The following EBF1 variants were observed in gnomAD, a reference collection of about 807,000 sequenced individuals.
The protein encoded by EBF1 is transcription factor COE1.
In EBF1, 10 loss-of-function variants were observed where a neutral mutation model predicts 68.4. That is an observed-to-expected ratio of 0.15 (90% CI 0.09 to 0.25). The LOEUF (loss-of-function observed/expected upper bound fraction) is 0.25, where lower values mean the gene tolerates loss of function less well. Ranked by LOEUF, EBF1 falls within the 10% of genes least tolerant of loss-of-function variation. EBF1 has a pLI of 1.00. For missense variants in EBF1, 509 were observed against 794.4 expected, an observed-to-expected ratio of 0.64 and a Z score of 4.32; for synonymous variants, 298 against 299.8, an observed-to-expected ratio of 0.99 and a Z score of 0.06.
intron 6 of EBF1, among the ~76,000 whole-genome samples, chr5:158,916,726 G>C (rs890842402): frequency 6.6e-6 from 1 of 152,130 alleles, no homozygotes; most frequent in African/African-American, 2.4e-5. Flanking sequence ...GTGCTTCAAT[G>C]CTGGCCAAAT....
chr5:158,992,753 T>G (rs1375416152), intron 6 of EBF1, among the ~76,000 whole-genome samples: 1 of 152,080 alleles, frequency 6.6e-6, no homozygotes, highest in Non-Finnish European at 1.5e-5. Flanking sequence ...TAACTAAAAA[T>G]TTCTTTAAAA....
intron 6 of EBF1, chr5:158,987,286 C>G (rs961358808): frequency 6.6e-6 from 1 of 152,174 alleles, no homozygotes; most frequent in African/African-American, 2.4e-5. Context: ...GTGGGCATTC[C>G]AAGCATAGTG....
intron 10 of EBF1, among the ~76,000 whole-genome samples, chr5:158,755,158 T>G (rs1328819322): frequency 6.6e-6 from 1 of 150,602 alleles, no homozygotes; most frequent in African/African-American, 2.4e-5. Context: ...TCTTATAAAC[T>G]AATGTTTATT....
chr5:158,737,127 T>C (rs1041574313), intron 10 of EBF1, among the ~76,000 whole-genome samples: 2 of 152,044 alleles, frequency 1.3e-5, no homozygotes, highest in Non-Finnish European at 2.9e-5. Context: ...TCAGGAGGGC[T>C]TCAGGGAAGG....
chr5:159,066,565 T>C (rs1056895213), intron 6 of EBF1, among the ~76,000 whole-genome samples: 5 of 151,630 alleles, frequency 3.3e-5, no homozygotes, highest in Non-Finnish European at 7.4e-5. Context: ...GCCCCACCCA[T>C]GAAAAATGTA....
At chr5:158,800,145 G>A (rs1425393532) in intron 8 of EBF1, among the ~76,000 whole-genome samples, 1 of 152,102 alleles carries the variant, frequency 6.6e-6, no homozygotes, top group East Asian at 1.9e-4. Flanking sequence ...TAGAATACTA[G>A]GAGTGTCATT....
chr5:158,889,054 T>C (rs1800633532), intron 6 of EBF1, among the ~76,000 whole-genome samples: 1 of 152,184 alleles, frequency 6.6e-6, no homozygotes, highest in Non-Finnish European at 1.5e-5. Flanking sequence ...TCCCCACATA[T>C]GTTCCCCACT....
chr5:158,859,187 G>A (rs1017208433), intron 6 of EBF1, among the ~76,000 whole-genome samples: 1 of 152,160 alleles, frequency 6.6e-6, no homozygotes, highest in African/African-American at 2.4e-5. Context: ...ATTTACATTG[G>A]TCTTTAACTC....
intron 10 of EBF1, among the ~76,000 whole-genome samples, chr5:158,752,596 A>G (rs1396641837): frequency 6.6e-6 from 1 of 152,132 alleles, no homozygotes; most frequent in Non-Finnish European, 1.5e-5. Flanking sequence ...TTACTGTAAT[A>G]CATTTCGTTA....
intron 6 of EBF1, among the ~76,000 whole-genome samples, chr5:158,901,542 A>G (rs1159993729): frequency 6.6e-6 from 1 of 152,202 alleles, no homozygotes. Flanking sequence ...ACACTATGTG[A>G]GCACTATTTT....
chr5:158,754,532 G>C (rs539520469), intron 10 of EBF1, among the ~76,000 whole-genome samples: 1 of 152,262 alleles, frequency 6.6e-6, no homozygotes, highest in African/African-American at 2.4e-5. Context: ...TCTTGAGAAG[G>C]AAGCAAGTGA....
chr5:158,867,451 T>G (rs1441285892), intron 6 of EBF1, among the ~76,000 whole-genome samples: 2 of 152,236 alleles, frequency 1.3e-5, no homozygotes, highest in Non-Finnish European at 2.9e-5. Flanking sequence ...TTTCTTTAAC[T>G]GGCGACCCTT....
Position 159,099,423 on chromosome 5 carries a change from G to C in EBF1, c.56C>G (p.Pro19Arg). ...CACCGCGTTCATGCCGCTGCCCAGC[G>C]GCTCTTCCTTCATGCTGCTTCCACT... ...QRSGSSMKEEPLGSGMNAVRT... is the reference protein window; with the variant it reads ...QRSGSSMKEERLGSGMNAVRT... The change falls in exon 1 of 16, where the codon CCG (proline) becomes CGG (arginine). Residue 19 changes from proline (P) to arginine (R), a missense_variant. By Grantham distance (103) the Pro-to-Arg change is moderately radical. Coordinates refer to ENST00000313708, the MANE Select transcript of EBF1 (RefSeq NM_024007.5). 1 of 1,600,924 alleles carries C rather than the reference G, an allele frequency of 6.2e-7. No individual in the cohort carries two copies. Among genetic ancestry groups the C allele is most frequent in the East Asian group, 2.3e-5 (1 of 42,840 alleles).
rs539841407 is a variant in EBF1 at position 158,734,958 on chromosome 5, A to AT, written c.1037-3802_1037-3801insA. Among the ~76,000 whole-genome samples the AT allele has an allele frequency of 1.0e-3, 153 of 152,262 alleles. 1 individual carries two copies. The highest frequency in any genetic ancestry group is 3.5e-3 in the African/African-American group (145 of 41,548). On this transcript the variant is annotated intron_variant, in intron 10 of 15. Coordinates refer to ENST00000313708, the MANE Select transcript of EBF1 (RefSeq NM_024007.5). ...AGAAGAATCCATTATCCCAAATAGA[A>AT]AAGCCTCAATGTTTATACCATGAGA...
intron 7 of EBF1, among the ~76,000 whole-genome samples, chr5:158,827,036 C>T (rs1786301622): frequency 6.6e-6 from 1 of 152,110 alleles, no homozygotes; most frequent in African/African-American, 2.4e-5. Flanking sequence ...TGGGAATAAC[C>T]ACCATACTTA....
chr5:159,058,123 G>A (rs931737012), intron 6 of EBF1, among the ~76,000 whole-genome samples: 10 of 152,200 alleles, frequency 6.6e-5, no homozygotes, highest in Admixed American at 5.9e-4. Flanking sequence ...GCATTCTCAT[G>A]AGCTCTGCAG....
rs758612180 is a variant in EBF1 at position 159,096,333 on chromosome 5, C to A, written c.355+10G>T. ...CCAGGGTGAGGCCATAGACCCGACC[C>A]GGGCCTCACCATTGCTGTAGAGAAG... On this transcript the variant is annotated intron_variant, in intron 3 of 15. Coordinates refer to ENST00000313708, the MANE Select transcript of EBF1 (RefSeq NM_024007.5). The A allele has an allele frequency of 3.1e-6, 5 of 1,612,394 alleles. No homozygotes were observed. In the East Asian group the frequency reaches 8.9e-5, roughly 29 times the overall value.
At chr5:159,051,713 G>C (rs188952623) in intron 6 of EBF1, among the ~76,000 whole-genome samples, 62 of 151,990 alleles carry the variant, frequency 4.1e-4, no homozygotes, top group African/African-American at 1.1e-3. Context: ...CATTCAGAAG[G>C]GGGGGCAAGA....
chr5:158,929,472 C>A (rs1238801260), intron 6 of EBF1, among the ~76,000 whole-genome samples: 3 of 152,168 alleles, frequency 2.0e-5, no homozygotes. Flanking sequence ...CTAAGTACTT[C>A]TGAACAAACT....
Sources: allele counts gnomAD v4.1 joint callset (sites outside exome capture counted in the v4.1 genomes callset), GRCh38; gene constraint gnomAD v4.1.1; transcripts MANE v1.5; gene names NCBI Gene and HGNC (gene_info 2026-07-23, HGNC 2026-07-21).